Variants in ATG2B observed in about 807,000 individuals in gnomAD.
ATG2B encodes the protein autophagy-related protein 2 homolog B.
In ATG2B, 121 loss-of-function variants were observed where a neutral mutation model predicts 241.3. The observed-to-expected ratio is 0.50, with a 90% confidence interval of 0.43 to 0.58. The LOEUF (loss-of-function observed/expected upper bound fraction) is 0.58, where lower values mean the gene tolerates loss of function less well. Among genes scored for constraint, ATG2B ranks in the 20% least tolerant of loss-of-function variants. ATG2B has a pLI of 0.00. For missense variants in ATG2B, 2,306 were observed against 2,491.6 expected, an observed-to-expected ratio of 0.93 and a Z score of 1.59; for synonymous variants, 858 against 876.6, an observed-to-expected ratio of 0.98 and a Z score of 0.37.
chr14:96,294,891 A>G (rs1466837451), intron 36 of ATG2B, 69 bp downstream of exon 36: 3 of 1,373,874 alleles, frequency 2.2e-6, no homozygotes, highest in Middle Eastern at 2.0e-4. Context: ...TTACCAGCAC[A>G]CATACATCAC....
intron 34 of ATG2B, among the ~76,000 whole-genome samples, chr14:96,296,533 G>A (rs919464871): frequency 4.6e-5 from 7 of 152,026 alleles, no homozygotes; most frequent in East Asian, 1.9e-4. Context: ...AGGCTGAGGC[G>A]GGCAGATCAT....
In ATG2B at chr14:96,347,184, C is replaced by CG; in HGVS notation, c.319dup (p.Arg107ProfsTer7). The CG allele has an allele frequency of 6.3e-7, 1 of 1,577,828 alleles. No homozygotes were observed. The highest frequency in any genetic ancestry group is 8.7e-7 in the Non-Finnish European group (1 of 1,152,346). ...GAAACATACAACACACCAACCTGGG[C>CG]GAGGTCTAGGCCGGAAGACCATTTC... is the stretch of plus-strand genomic sequence containing the variant. On this transcript the variant is annotated frameshift_variant, in exon 2 of 42. Coordinates refer to ENST00000359933, the MANE Select transcript of ATG2B (RefSeq NM_018036.7). LOFTEE classifies it high-confidence loss of function.
chr14:96,333,398 A>G (rs1887789847), intron 8 of ATG2B, among the ~76,000 whole-genome samples: 1 of 152,180 alleles, frequency 6.6e-6, no homozygotes, highest in Non-Finnish European at 1.5e-5. Flanking sequence ...ACCTAATTTA[A>G]CTTTCACATA....
intron 33 of ATG2B, 32 bp downstream of exon 33, chr14:96,303,025 AAACT>A (rs757072603): frequency 7.1e-6 from 10 of 1,401,398 alleles, no homozygotes; most frequent in African/African-American, 1.5e-5. Context: ...CACGTTTCCA[AAACT>A]AACATAACAC....
rs1888713185 is a variant in ATG2B at position 96,362,913 on chromosome 14, G to A, written c.64C>T (p.Leu22=). 1 of 1,613,564 alleles carries A rather than the reference G, an allele frequency of 6.2e-7. No individual in the cohort carries two copies. Among genetic ancestry groups the A allele is most frequent in the African/African-American group, 1.3e-5 (1 of 74,940 alleles). ...RACRYLLQRY[L]GHFLQEKLSL... ...AGCTTCTCCTGCAGAAAGTGGCCCAGGTACCTCTGCAGGAGGTACCGGCAG... is the reference window on the plus strand; with the variant it reads ...AGCTTCTCCTGCAGAAAGTGGCCCAAGTACCTCTGCAGGAGGTACCGGCAG... Residue 22 remains leucine, a synonymous_variant, in exon 1 of 42, where the codon CTG becomes TTG. Transcript: ENST00000359933.
chr14:96,352,300 A>G (rs550377482), intron 1 of ATG2B, among the ~76,000 whole-genome samples: 1 of 152,366 alleles, frequency 6.6e-6, no homozygotes, highest in South Asian at 2.1e-4. Flanking sequence ...CGAGGGTGAT[A>G]ATAAACAACT....
In ATG2B at chr14:96,303,269, G is replaced by C. The variant is rs764367676; in HGVS notation, c.4843-14C>G. On this transcript the variant is annotated splice_polypyrimidine_tract_variant and intron_variant, in intron 32 of 41. Coordinates refer to ENST00000359933, the MANE Select transcript of ATG2B (RefSeq NM_018036.7). ...CTGAAACTTCACCTTAACGGGTAAG[G>C]AGGAAGAACGCGGAACAGTTCTTTA... The C allele has an allele frequency of 4.6e-6, 7 of 1,534,590 alleles. No individual in the cohort carries two copies. The highest frequency in any genetic ancestry group is 6.2e-6 in the Non-Finnish European group (7 of 1,136,960).
intron 1 of ATG2B, among the ~76,000 whole-genome samples, chr14:96,354,261 A>G (rs1888413656): frequency 6.6e-6 from 1 of 152,182 alleles, no homozygotes; most frequent in African/African-American, 2.4e-5. Flanking sequence ...AGTATCCATT[A>G]GCTATTCTTC....
At chr14:96,315,031 TA>T (rs1887268324) in intron 23 of ATG2B, 122 bp downstream of exon 23, 1 of 712,262 alleles carries the variant, frequency 1.4e-6, no homozygotes, top group Admixed American at 2.3e-5. Flanking sequence ...GGTGACACCG[TA>T]GTATTCACTT....
At chr14:96,305,935 A>T in intron 30 of ATG2B, 120 bp from the exon 31 acceptor site, 1 of 734,940 alleles carries the variant, frequency 1.4e-6, no homozygotes. Context: ...AGTATATAAA[A>T]TAAGGTGATG....
At position 96,279,199 on chromosome 14, in the gene ATG2B, C is replaced by T. The variant is rs1886129097; in HGVS notation, c.*6556G>A. On this transcript the variant is annotated 3_prime_UTR_variant, in exon 42 of 42. Transcript: ENST00000359933. ...GAGGAGTCGCCACATAGGAAATAGT[C>T]AATCAATGATGAACTTTTATTTCAT... 1 of 152,064 alleles carries T rather than the reference C, an allele frequency of 6.6e-6. No homozygotes were observed. The highest frequency in any genetic ancestry group is 1.5e-5 in the Non-Finnish European group (1 of 68,026). 9.4% of individuals were successfully genotyped at this position (152,064 alleles called of 1,614,324 possible). A position where few individuals can be genotyped will look rare whatever the true frequency, so the allele number is the denominator to read the frequency against.
chr14:96,298,501 T>A (rs189688588), intron 34 of ATG2B, among the ~76,000 whole-genome samples: 155 of 152,324 alleles, frequency 1.0e-3, no homozygotes, highest in African/African-American at 3.5e-3. Flanking sequence ...ACAGCTTTAT[T>A]CCTAAGAGCC....
At position 96,287,845 on chromosome 14, in the gene ATG2B, C is replaced by T. The variant is rs114930318; in HGVS notation, c.6006+1811G>A. The stretch of plus-strand genomic sequence containing the variant: ...AAATTGTAAATACCATTATTAATAG[C>T]TCAAAGGCCCATACAAAAGAGGCAT... On this transcript the variant is annotated intron_variant, in intron 41 of 41. Coordinates refer to ENST00000359933, the MANE Select transcript of ATG2B (RefSeq NM_018036.7). Among the ~76,000 whole-genome samples the T allele has an allele frequency of 5.5e-3, 844 of 152,178 alleles. 9 individuals are homozygous for T. Among genetic ancestry groups the T allele is most frequent in the African/African-American group, 0.019 (799 of 41,510 alleles).
chr14:96,361,000 C>T (rs1469389625), intron 1 of ATG2B, among the ~76,000 whole-genome samples: 1 of 148,670 alleles, frequency 6.7e-6, no homozygotes, highest in Non-Finnish European at 1.5e-5. Context: ...CTCTGAACAG[C>T]TGTATCTAAG....
chr14:96,299,147 C>T (rs1178319264), intron 34 of ATG2B, among the ~76,000 whole-genome samples: 1 of 152,174 alleles, frequency 6.6e-6, no homozygotes, highest in African/African-American at 2.4e-5. Flanking sequence ...ACTTACTTAT[C>T]TTCCTTAGCA....
At chr14:96,286,105 CAA>C in intron 41 of ATG2B, 120 bp from the exon 42 acceptor site, 1 of 647,266 alleles carries the variant, frequency 1.5e-6, no homozygotes, top group Non-Finnish European at 2.5e-6. Flanking sequence ...TGTAACCAGA[CAA>C]AAAAAAATGC....
intron 25 of ATG2B, 134 bp from the exon 26 acceptor site, chr14:96,312,293 T>G: frequency 1.6e-6 from 1 of 636,206 alleles, no homozygotes; most frequent in Non-Finnish European, 2.7e-6. Flanking sequence ...TTCTAACTTA[T>G]AACTGTCATC....
At chr14:96,313,296 T>A in intron 24 of ATG2B, 33 bp downstream of exon 24, 1 of 1,481,440 alleles carries the variant, frequency 6.8e-7, no homozygotes, top group Non-Finnish European at 9.2e-7. Flanking sequence ...GCATTTTAAA[T>A]AAAACTTTAT....
At chr14:96,346,067 A>G (rs1231906189) in intron 2 of ATG2B, among the ~76,000 whole-genome samples, 2 of 152,208 alleles carry the variant, frequency 1.3e-5, no homozygotes, top group Non-Finnish European at 2.9e-5. Context: ...AGCTAAAAGA[A>G]GAGGTTAATT....
Sources: allele counts gnomAD v4.1 joint callset (sites outside exome capture counted in the v4.1 genomes callset), GRCh38; gene constraint gnomAD v4.1.1; transcripts MANE v1.5; gene names NCBI Gene and HGNC (gene_info 2026-07-23, HGNC 2026-07-21).